MED12L: variants seen among roughly 807,000 people sequenced by gnomAD.
The protein encoded by MED12L is mediator complex subunit 12L.
MED12L carries 60 observed loss-of-function variants against 281.3 expected under a neutral mutation model. The ratio of observed to expected loss-of-function variants is 0.21; its 90% CI spans 0.17 to 0.26. The LOEUF is 0.26. MED12L is among the 10% of genes least tolerant of loss of function. MED12L has a pLI of 1.00. For synonymous variants in MED12L, 974 were observed against 987.2 expected, an observed-to-expected ratio of 0.99 and a Z score of 0.25; for missense variants, 2,146 against 2,680.9, an observed-to-expected ratio of 0.80 and a Z score of 4.41.
intron 16 of MED12L, chr3:151,295,159 C>T (rs370393342): frequency 5.0e-6 from 8 of 1,612,850 alleles, no homozygotes; most frequent in Non-Finnish European, 5.9e-6. Context: ...TCTTTCCTGG[C>T]CCGTCGCTCC....
intron 33 of MED12L, 55 bp from the exon 34 acceptor site, chr3:151,383,724 G>T (rs971249880): frequency 2.7e-6 from 3 of 1,103,136 alleles, no homozygotes; most frequent in Non-Finnish European, 4.1e-6. Context: ...TAAAGCAATG[G>T]GGTGTTCTTT....
intron 17 of MED12L, among the ~76,000 whole-genome samples, chr3:151,354,843 A>G (rs189896742): frequency 2.0e-5 from 3 of 152,326 alleles, no homozygotes; most frequent in Admixed American, 2.0e-4. Context: ...TTTCCTTTAT[A>G]TATAAAGTTC....
chr3:151,138,791 G>T (rs905987745), intron 5 of MED12L, among the ~76,000 whole-genome samples: 1 of 152,052 alleles, frequency 6.6e-6, no homozygotes, highest in African/African-American at 2.4e-5. Context: ...TGATCACCTG[G>T]CTGAGGTAGC....
chr3:151,174,208 TA>T (rs1721776159), intron 11 of MED12L, among the ~76,000 whole-genome samples: 1 of 152,214 alleles, frequency 6.6e-6, no homozygotes, highest in Non-Finnish European at 1.5e-5. Context: ...GATTTTCAGA[TA>T]GGGATGCTCA....
At chr3:151,431,059 G>T (rs1340042297) in intron 44 of MED12L, among the ~76,000 whole-genome samples, 3 of 152,122 alleles carry the variant, frequency 2.0e-5, no homozygotes, top group African/African-American at 7.2e-5. Flanking sequence ...CCCCTGGGCG[G>T]GTGTCATAGG....
intron 5 of MED12L, among the ~76,000 whole-genome samples, chr3:151,133,090 C>A (rs1715630321): frequency 6.6e-6 from 1 of 152,208 alleles, no homozygotes; most frequent in Non-Finnish European, 1.5e-5. Flanking sequence ...TCATCCTTTT[C>A]TGGCATTGGT....
chr3:151,342,076 C>T (rs1383025703), intron 16 of MED12L, among the ~76,000 whole-genome samples: 1 of 152,154 alleles, frequency 6.6e-6, no homozygotes, highest in Non-Finnish European at 1.5e-5. Context: ...GACTTATAAT[C>T]CTTTGGGTAT....
intron 5 of MED12L, among the ~76,000 whole-genome samples, chr3:151,130,036 TG>T (rs1560076633): frequency 6.6e-6 from 1 of 152,140 alleles, no homozygotes; most frequent in Non-Finnish European, 1.5e-5. Flanking sequence ...CCCAGAGTAC[TG>T]GGATTACAGG....
At chr3:151,430,417 C>T (rs763477754) in intron 44 of MED12L, 37 bp downstream of exon 44, 21 of 1,608,450 alleles carry the variant, frequency 1.3e-5, no homozygotes, top group Middle Eastern at 1.7e-4. Flanking sequence ...AGACAGCTCC[C>T]GGAAAATTAA....
At chr3:151,417,673 G>A (rs551118910) in intron 43 of MED12L, among the ~76,000 whole-genome samples, 1 of 151,972 alleles carries the variant, frequency 6.6e-6, no homozygotes, top group Non-Finnish European at 1.5e-5. Context: ...TCACCATGTT[G>A]GCCAGACTGT....
chr3:151,236,458 A>G (rs1033038405), intron 16 of MED12L, among the ~76,000 whole-genome samples: 2 of 152,174 alleles, frequency 1.3e-5, no homozygotes, highest in Non-Finnish European at 2.9e-5. Context: ...TTATTTTGTT[A>G]TTCTTAACGA....
chr3:151,105,911 T>G (rs1457398461), intron 2 of MED12L, among the ~76,000 whole-genome samples: 1 of 152,160 alleles, frequency 6.6e-6, no homozygotes, highest in East Asian at 1.9e-4. Context: ...ATGGGGGAGA[T>G]ATACCATCCC....
Position 151,411,339 on chromosome 3 carries a change from A to C in MED12L, c.5972A>C (p.Gln1991Pro). 1 of 1,614,246 alleles carries C rather than the reference A, an allele frequency of 6.2e-7. No homozygotes were observed. Among genetic ancestry groups the C allele is most frequent in the Non-Finnish European group, 8.5e-7 (1 of 1,180,048 alleles). The change falls in exon 41 of 45, where the codon CAG becomes CCG. Residue 1991 changes from glutamine (Q) to proline (P), a missense_variant. By Grantham distance (76) the Gln-to-Pro change is moderately conservative (BLOSUM62 -1). Transcript: ENST00000687756. ...ATGCCTTTGCAGCAGACATCGCAGCAGCAGGCTGGCAGTGTGGTCCTGTCT... is the reference window on the plus strand; with the variant it reads ...ATGCCTTTGCAGCAGACATCGCAGCCGCAGGCTGGCAGTGTGGTCCTGTCT... ...TQMPLQQTSQ[Q>P]QAGSVVLSPS...
chr3:151,171,621 T>C (rs1721438954), intron 11 of MED12L, among the ~76,000 whole-genome samples: 1 of 152,246 alleles, frequency 6.6e-6, no homozygotes, highest in Admixed American at 6.5e-5. Context: ...ATTTGTTTTA[T>C]GCTTAGACTA....
chr3:151,422,603 A>G lies in MED12L; in HGVS notation c.6408+6181A>G, dbSNP rs201796541. ...GTCATATTGGTTTAGGTCCCATCCT[A>G]ATTATCTAATTTCAACTTGATTACC... On this transcript the variant is annotated intron_variant, in intron 43 of 44. Coordinates refer to ENST00000687756, the MANE Select transcript of MED12L (RefSeq NM_001393769.1). Among the ~76,000 whole-genome samples, 11 of 152,290 alleles carry G rather than the reference A, an allele frequency of 7.2e-5. No individual in the cohort carries two copies. In the East Asian group the frequency reaches 2.1e-3, roughly 29 times the overall value.
In MED12L at chr3:151,190,707, T is replaced by G. The variant is rs1209405337; in HGVS notation, c.1754-10T>G. The G allele has an allele frequency of 8.7e-6, 14 of 1,612,952 alleles. No individual in the cohort carries two copies. In the East Asian group the frequency reaches 3.1e-4, roughly 36 times the overall value. On this transcript the variant is annotated splice_polypyrimidine_tract_variant and intron_variant, in intron 13 of 44. Coordinates refer to ENST00000687756, the MANE Select transcript of MED12L (RefSeq NM_001393769.1). ...TCAAGGAATTCTTGATTGAATTTGT[T>G]TCTCTATAGCGGACCCAAACAGTGA...
chr3:151,174,182 A>G (rs76427141), intron 11 of MED12L, among the ~76,000 whole-genome samples: 12 of 152,198 alleles, frequency 7.9e-5, no homozygotes, highest in African/African-American at 2.4e-4. Flanking sequence ...TGGATTTTGG[A>G]GCATTTCAGA....
intron 16 of MED12L, among the ~76,000 whole-genome samples, chr3:151,240,848 G>T (rs1435271911): frequency 1.3e-5 from 2 of 152,238 alleles, no homozygotes; most frequent in Admixed American, 1.3e-4. Context: ...TGAAAGGGTA[G>T]TGGATTTGAA....
intron 11 of MED12L, among the ~76,000 whole-genome samples, chr3:151,173,453 AGAG>A (rs1721673564): frequency 6.6e-6 from 1 of 152,236 alleles, no homozygotes; most frequent in South Asian, 2.1e-4. Context: ...TTTGGAAAAA[AGAG>A]GAAGACACCT....
Sources: allele counts gnomAD v4.1 joint callset (sites outside exome capture counted in the v4.1 genomes callset), GRCh38; gene constraint gnomAD v4.1.1; transcripts MANE v1.5; gene names NCBI Gene and HGNC (gene_info 2026-07-23, HGNC 2026-07-21).